LRRK2: variants seen among roughly 807,000 people sequenced by gnomAD.
LRRK2 encodes leucine rich repeat kinase 2, also known as leucine-rich repeat serine/threonine-protein kinase 2.
In LRRK2, 203 loss-of-function variants were observed where a neutral mutation model predicts 302.6. The observed-to-expected ratio is 0.67, with a 90% CI of 0.60 to 0.75. The LOEUF (loss-of-function observed/expected upper bound fraction) is 0.75, where lower values mean the gene tolerates loss of function less well. LRRK2 is among the 30% of genes least tolerant of loss of function. LRRK2 has a pLI of 0.00. For missense variants in LRRK2, 2,830 were observed against 2,951.0 expected (o/e 0.96, Z 0.95); for synonymous variants, 1,066 against 1,031.9 (o/e 1.03, Z -0.63).
chr12:40,294,858 AT>A lies in LRRK2; in HGVS notation c.2823del (p.His942MetfsTer5). Reference sequence around the variant, plus strand: ...ATTTTTTAATAGGGGCCCATTTTTGATCATGAAGATTTACTGAAGCGAAAAA... The same window carrying A: ...ATTTTTTAATAGGGGCCCATTTTTGACATGAAGATTTACTGAAGCGAAAAA... Reference protein sequence around the residue: ...RHSNSLGPIFDHEDLLKRKRK... With the variant: ...RHSNSLGPIFXHEDLLKRKRK... On this transcript the variant is annotated frameshift_variant, in exon 22 of 51. Coordinates refer to ENST00000298910, the MANE Select transcript of LRRK2 (RefSeq NM_198578.4). LOFTEE classifies it high-confidence loss of function. The A allele has an allele frequency of 6.5e-7, 1 of 1,544,082 alleles. No homozygotes were observed. The highest frequency in any genetic ancestry group is 1.9e-4 in the Middle Eastern group (1 of 5,142).
chr12:40,269,437 G>A (rs933161192), intron 14 of LRRK2, among the ~76,000 whole-genome samples: 2 of 152,096 alleles, frequency 1.3e-5, no homozygotes, highest in Non-Finnish European at 2.9e-5. Context: ...AGGTACCATC[G>A]TACCTGCAGT....
At chr12:40,255,353 T>C (rs1310386388) in intron 11 of LRRK2, among the ~76,000 whole-genome samples, 1 of 152,158 alleles carries the variant, frequency 6.6e-6, no homozygotes, top group Non-Finnish European at 1.5e-5. Flanking sequence ...TCGCATATTG[T>C]TTTTTGCCTC....
At chr12:40,338,371 C>G (rs1296852502) in intron 40 of LRRK2, among the ~76,000 whole-genome samples, 1 of 152,128 alleles carries the variant, frequency 6.6e-6, no homozygotes, top group African/African-American at 2.4e-5. Flanking sequence ...TGGAATAATT[C>G]TATTCAGAAT....
At chr12:40,294,336 G>A (rs1944296375) in intron 21 of LRRK2, among the ~76,000 whole-genome samples, 1 of 151,894 alleles carries the variant, frequency 6.6e-6, no homozygotes, top group Non-Finnish European at 1.5e-5. Flanking sequence ...TGAGGAAATT[G>A]GGAGCCACCT....
chr12:40,312,537 C>T (rs1281932256), intron 31 of LRRK2, among the ~76,000 whole-genome samples: 2 of 152,038 alleles, frequency 1.3e-5, no homozygotes, highest in Non-Finnish European at 2.9e-5. Flanking sequence ...GATCTTAGCT[C>T]TTCTCTAATC....
chr12:40,297,505 G>A lies in LRRK2; in HGVS notation c.3097-738G>A, dbSNP rs558275878. Among the ~76,000 whole-genome samples the A allele has an allele frequency of 2.4e-4, 36 of 152,192 alleles. No individual in the cohort carries two copies. The South Asian group carries it at 7.1e-3, about 30-fold the overall frequency. On this transcript the variant is annotated intron_variant, in intron 23 of 50. Transcript: ENST00000298910. ...TTAATGAGGGTCTGAAACAAAAGCAGGAATTTTGAAACAACTTCTGGGGCT... is the reference window on the plus strand; with the variant it reads ...TTAATGAGGGTCTGAAACAAAAGCAAGAATTTTGAAACAACTTCTGGGGCT...
At chr12:40,331,776 G>GATAA (rs914162749) in intron 39 of LRRK2, among the ~76,000 whole-genome samples, 6 of 152,138 alleles carry the variant, frequency 3.9e-5, no homozygotes, top group African/African-American at 1.4e-4. Flanking sequence ...GAGTTTATCA[G>GATAA]ATAAATTATG....
chr12:40,228,430 A>G, intron 2 of LRRK2, among the ~76,000 whole-genome samples: 1 of 98,912 alleles, frequency 1.0e-5, no homozygotes, highest in Non-Finnish European at 2.1e-5. Flanking sequence ...TTTAAAAATA[A>G]GACTTTTTTT....
At chr12:40,250,874 T>A (rs1388057717) in intron 8 of LRRK2, among the ~76,000 whole-genome samples, 1 of 152,234 alleles carries the variant, frequency 6.6e-6, no homozygotes, top group South Asian at 2.1e-4. Context: ...TTCCATGGTA[T>A]ATATGTACCA....
chr12:40,299,719 G>A (rs530222808), intron 25 of LRRK2, among the ~76,000 whole-genome samples: 1 of 152,242 alleles, frequency 6.6e-6, no homozygotes. Context: ...GAACCCTGAT[G>A]TAAACTATGG....
chr12:40,367,597 T>C (rs1360518624), intron 50 of LRRK2, 47 bp from the exon 51 acceptor site: 1 of 1,580,124 alleles, frequency 6.3e-7, no homozygotes, highest in Non-Finnish European at 8.6e-7. Flanking sequence ...ATAAGAATGT[T>C]TTATGATGGA....
At chr12:40,267,751 A>G (rs1943080312) in intron 14 of LRRK2, among the ~76,000 whole-genome samples, 1 of 152,130 alleles carries the variant, frequency 6.6e-6, no homozygotes, top group Non-Finnish European at 1.5e-5. Context: ...CTCCACTGTA[A>G]TTCCCCTAAT....
chr12:40,255,141 T>A (rs1942444367), intron 11 of LRRK2, among the ~76,000 whole-genome samples: 1 of 152,158 alleles, frequency 6.6e-6, no homozygotes, highest in Non-Finnish European at 1.5e-5. Context: ...GATGCATTCA[T>A]TAAGTAAAAA....
At position 40,298,328 on chromosome 12, in the gene LRRK2, C is replaced by A; in HGVS notation, c.3182C>A (p.Ala1061Asp). 6.2e-7 allele frequency: 1 copy of A among 1,613,866 alleles called. No individual in the cohort carries two copies. The highest frequency in any genetic ancestry group is 8.5e-7 in the Non-Finnish European group (1 of 1,179,942). Reference protein sequence around the residue: ...PSYLLKMSCIANLDVSRNDIG... With the variant: ...PSYLLKMSCIDNLDVSRNDIG... ...TATTTGTTGAAAATGAGTTGTATTG[C>A]TAATCTTGATGTCTCTCGAAATGAC... The change falls in exon 24 of 51, where the codon GCT becomes GAT. Residue 1061 changes from alanine to aspartate, a missense_variant. By Grantham distance (126) the Ala-to-Asp change is moderately radical. Transcript: ENST00000298910.
At chr12:40,259,827 T>C (rs940770292) in intron 13 of LRRK2, among the ~76,000 whole-genome samples, 2 of 152,180 alleles carry the variant, frequency 1.3e-5, no homozygotes, top group Non-Finnish European at 2.9e-5. Context: ...TTATACAAAG[T>C]AACTACAATG....
intron 11 of LRRK2, 101 bp from the exon 12 acceptor site, chr12:40,257,147 T>C: frequency 1.2e-6 from 1 of 844,150 alleles, no homozygotes; most frequent in East Asian, 2.7e-5. Context: ...CTCTTGTATA[T>C]GCTTTCCTGT....
chr12:40,233,233 A>G (rs1029164724), intron 3 of LRRK2, among the ~76,000 whole-genome samples: 2 of 152,172 alleles, frequency 1.3e-5, no homozygotes, highest in African/African-American at 4.8e-5. Flanking sequence ...AAACAAACAA[A>G]CAAACCTTTT....
intron 5 of LRRK2, among the ~76,000 whole-genome samples, chr12:40,239,156 G>T (rs954884): frequency 0.51 from 76,771 of 151,890 alleles, 20,630 homozygotes; most frequent in South Asian, 0.63. Context: ...CTTCCCATGG[G>T]TTTTCCTGGA....
intron 6 of LRRK2, 109 bp from the exon 7 acceptor site, chr12:40,243,441 C>A: frequency 8.3e-7 from 1 of 1,206,708 alleles, no homozygotes; most frequent in Non-Finnish European, 1.2e-6. Context: ...TTTGGAAATG[C>A]AGTCATTATG....
Sources: allele counts gnomAD v4.1 joint callset (sites outside exome capture counted in the v4.1 genomes callset), GRCh38; gene constraint gnomAD v4.1.1; transcripts MANE v1.5; gene names NCBI Gene and HGNC (gene_info 2026-07-23, HGNC 2026-07-21).